Variants in MBP observed in about 807,000 individuals in gnomAD.
The protein encoded by MBP is myelin basic protein, also known as Golli-MBP.
A neutral mutation model predicts 35.8 loss-of-function variants in MBP; 16 were observed. The observed-to-expected ratio is 0.45, with a 90% CI of 0.30 to 0.68. The LOEUF (loss-of-function observed/expected upper bound fraction) is 0.68, where lower values mean the gene tolerates loss of function less well. MBP is among the 30% of genes least tolerant of loss of function. The pLI is 0.08. For synonymous variants in MBP, 143 were observed against 159.6 expected (o/e 0.90, Z 0.78); for missense variants, 380 against 404.7 (o/e 0.94, Z 0.52).
At chr18:77,021,106 C>G (rs1300102101) in intron 3 of MBP, among the ~76,000 whole-genome samples, 1 of 152,142 alleles carries the variant, frequency 6.6e-6, no homozygotes, top group Non-Finnish European at 1.5e-5. Context: ...CTCCGTACAG[C>G]CTTGGTATCA....
At chr18:77,037,547 A>T (rs1033859651) in intron 3 of MBP, among the ~76,000 whole-genome samples, 1 of 152,218 alleles carries the variant, frequency 6.6e-6, no homozygotes, top group Non-Finnish European at 1.5e-5. Context: ...CTGGGGGATG[A>T]TTCCGGAGGG....
At chr18:77,001,936 A>G (rs567772010) in intron 4 of MBP, among the ~76,000 whole-genome samples, 1 of 152,246 alleles carries the variant, frequency 6.6e-6, no homozygotes, top group Non-Finnish European at 1.5e-5. Flanking sequence ...TGACACAGCC[A>G]CGTGTTGGAA....
chr18:77,095,861 A>C (rs1309682898), intron 2 of MBP, among the ~76,000 whole-genome samples: 1 of 152,234 alleles, frequency 6.6e-6, no homozygotes, highest in Admixed American at 6.5e-5. Flanking sequence ...AGCACCCGCC[A>C]TGTGCACGCA....
chr18:77,107,594 G>A (rs1455850364), intron 1 of MBP, among the ~76,000 whole-genome samples: 2 of 152,198 alleles, frequency 1.3e-5, no homozygotes, highest in African/African-American at 4.8e-5. Flanking sequence ...GCTCTTGAAC[G>A]CAGCTGAAAT....
intron 3 of MBP, among the ~76,000 whole-genome samples, chr18:77,030,405 G>A (rs962757707): frequency 6.6e-6 from 1 of 152,162 alleles, no homozygotes; most frequent in Admixed American, 6.5e-5. Flanking sequence ...GGACGGGAAG[G>A]GACAGGAAGG....
rs911120386 is a variant in MBP, at chr18:77,101,372, A to G, written c.51+3839T>C. On this transcript the variant is annotated intron_variant, in intron 2 of 8. Transcript: ENST00000355994. The surrounding 1 kb of genome is among the most constrained non-coding windows in gnomAD (Gnocchi z 4.3). ...TGGAAACCAAATTTCCCTGCAACTT[A>G]AAAAACACAGGGAGTCAAAGGCAGA... is the stretch of plus-strand genomic sequence containing the variant. Among the ~76,000 whole-genome samples the G allele has an allele frequency of 5.9e-5, 9 of 152,214 alleles. No individual in the cohort carries two copies. The highest frequency in any genetic ancestry group is 2.0e-4 in the Admixed American group (3 of 15,284).
Position 76,989,943 on chromosome 18 carries a change from G to A in MBP, c.681+13C>T, listed in dbSNP as rs755145073. ...CTCACAGTTGCTACCTCTTCCCATC[G>A]ATCGTCACTTACAATGTTCTTGAAG... is the stretch of plus-strand genomic sequence containing the variant. On this transcript the variant is annotated intron_variant, in intron 5 of 8. Coordinates refer to ENST00000355994, the MANE Select transcript of MBP (RefSeq NM_001025101.2). This position sits in a 1 kb window ranked among gnomAD's most constrained non-coding sequence, Gnocchi z 4.0. The A allele has an allele frequency of 3.7e-6, 6 of 1,604,318 alleles. No individual in the cohort carries two copies. Among genetic ancestry groups the A allele is most frequent in the Admixed American group, 3.3e-5 (2 of 60,006 alleles).
At chr18:77,028,546 C>A (rs1295239504) in intron 3 of MBP, among the ~76,000 whole-genome samples, 2 of 97,298 alleles carry the variant, frequency 2.1e-5, no homozygotes, top group Admixed American at 1.1e-4. Flanking sequence ...AGAGGGGCTC[C>A]TCACTTCCCA....
chr18:77,073,591 T>C (rs982310578), intron 2 of MBP, among the ~76,000 whole-genome samples: 1 of 152,216 alleles, frequency 6.6e-6, no homozygotes, highest in African/African-American at 2.4e-5. Flanking sequence ...AGTGCCCTGC[T>C]CCGCAGGGAG....
At chr18:77,127,244 G>A (rs1405449043) in intron 1 of MBP, 2 of 152,158 alleles carry the variant, frequency 1.3e-5, no homozygotes, top group African/African-American at 2.4e-5. Flanking sequence ...AAGTGGAAAC[G>A]GTTTTTAGCA....
chr18:77,060,063 T>C (rs530363573), intron 3 of MBP, among the ~76,000 whole-genome samples: 1 of 152,182 alleles, frequency 6.6e-6, no homozygotes, highest in Non-Finnish European at 1.5e-5. Context: ...ATCCAGCACT[T>C]TGGGAGGCTG....
intron 4 of MBP, among the ~76,000 whole-genome samples, chr18:76,991,985 G>A (rs1008970902): frequency 5.9e-5 from 9 of 152,204 alleles, no homozygotes; most frequent in Non-Finnish European, 8.8e-5. Context: ...AGCCACAAAG[G>A]ACAATGTTTG....
intron 2 of MBP, among the ~76,000 whole-genome samples, chr18:77,099,549 C>T (rs955712873): frequency 4.6e-5 from 7 of 152,364 alleles, no homozygotes; most frequent in East Asian, 1.9e-4. Flanking sequence ...AGAAGACTGA[C>T]GCTCCCACGC....
chr18:77,091,725 A>C (rs2145028839), intron 2 of MBP, among the ~76,000 whole-genome samples: 1 of 151,828 alleles, frequency 6.6e-6, no homozygotes, highest in South Asian at 2.1e-4. Flanking sequence ...CCACATACAC[A>C]CATATACACA....
intron 4 of MBP, among the ~76,000 whole-genome samples, chr18:76,997,883 T>C (rs186619552): frequency 0.011 from 1,609 of 152,050 alleles, 9 homozygotes; most frequent in South Asian, 0.02. Context: ...GGGGTTTCAC[T>C]GTGTTAGCCA....
At position 76,985,472 on chromosome 18, in the gene MBP, C is replaced by T. The variant is rs535051125; in HGVS notation, c.751-578G>A. The T allele has an allele frequency of 7.6e-6, 9 of 1,186,522 alleles. No homozygotes were observed. In the African/African-American group the frequency reaches 9.6e-5, roughly 13 times the overall value. The allele number at this position is 1,186,522 out of a possible 1,614,324, so 73.5% of individuals were successfully genotyped here. On this transcript the variant is annotated intron_variant, in intron 7 of 8. Transcript: ENST00000355994. ...TCCTCGGCCTTAGTAAAATGTCGAG[C>T]CTCGTATCTTTTATAAGGTTTTGAG...
intron 1 of MBP, among the ~76,000 whole-genome samples, chr18:77,118,192 A>G (rs1599272908): frequency 1.0e-4 from 1 of 9,974 alleles, no homozygotes; most frequent in Admixed American, 1.5e-3. Context: ...GATGGGGGAC[A>G]GTGGGTTGGG....
chr18:77,028,971 C>T lies in MBP; in HGVS notation c.140-11703G>A, dbSNP rs891693105. Among the ~76,000 whole-genome samples, 7 of 110,520 alleles carry T rather than the reference C, an allele frequency of 6.3e-5. 2 individuals carry two copies. The highest frequency in any genetic ancestry group is 1.1e-4 in the Non-Finnish European group (5 of 43,982). The allele number at this position is 110,520 out of a possible 152,430, so 72.5% of individuals were successfully genotyped here. On this transcript the variant is annotated intron_variant, in intron 3 of 8. Transcript: ENST00000355994. ...GAGGGGCTCCATCCCAGACAATGGG[C>T]GGCCAGGCAGAGACGCTCCTCACTT...
intron 3 of MBP, among the ~76,000 whole-genome samples, chr18:77,036,092 G>A (rs1972753852): frequency 2.0e-5 from 3 of 151,616 alleles, no homozygotes; most frequent in Admixed American, 6.6e-5. Context: ...GTCACGTTTT[G>A]GAGGACTGAG....
Sources: gnomAD v4.1 joint callset for allele counts (sites outside exome capture counted in the v4.1 genomes callset) on GRCh38, gnomAD v4.1.1 for gene constraint, Gnocchi (gnomAD v3.1) non-coding constraint, MANE v1.5 for transcripts, NCBI Gene and HGNC (gene_info 2026-07-23, HGNC 2026-07-21) for gene names.